Variants in PCDH9 observed in about 807,000 individuals in gnomAD.
PCDH9 encodes protocadherin-9.
In PCDH9, 24 loss-of-function variants were observed where a neutral mutation model predicts 70.6. The ratio of observed to expected loss-of-function variants is 0.34; its 90% CI spans 0.25 to 0.48. The LOEUF (loss-of-function observed/expected upper bound fraction) is 0.48. Among genes scored for constraint, PCDH9 ranks in the 20% least tolerant of loss-of-function variants. The probability of loss-of-function intolerance (pLI) is 0.99; values close to 1 mark genes in which losing one functional copy is unlikely to be tolerated. For missense variants in PCDH9, 1,281 were observed against 1,503.6 expected (o/e 0.85, Z 2.45); for synonymous variants, 562 against 558.5 (o/e 1.01, Z -0.09).
chr13:66,494,566 T>C (rs1028661029), intron 4 of PCDH9, among the ~76,000 whole-genome samples: 5 of 152,144 alleles, frequency 3.3e-5, no homozygotes, highest in Non-Finnish European at 5.9e-5. Flanking sequence ...TGTGACTCTC[T>C]CTCTCTGTCT....
intron 2 of PCDH9, among the ~76,000 whole-genome samples, chr13:66,940,994 T>C (rs79765615): frequency 0.038 from 5,836 of 152,056 alleles, 150 homozygotes; most frequent in Non-Finnish European, 0.057. Context: ...GGAAGTTTCA[T>C]GGTTTATATA....
intron 4 of PCDH9, among the ~76,000 whole-genome samples, chr13:66,363,709 T>A (rs1026130954): frequency 6.6e-6 from 1 of 152,204 alleles, no homozygotes; most frequent in Non-Finnish European, 1.5e-5. Flanking sequence ...TATGAGACAA[T>A]GTACTTAAAT....
intron 4 of PCDH9, among the ~76,000 whole-genome samples, chr13:66,348,561 C>A (rs1956246408): frequency 6.6e-6 from 1 of 152,002 alleles, no homozygotes; most frequent in African/African-American, 2.4e-5. Flanking sequence ...CCACACCTGG[C>A]TAATTTTCAC....
chr13:66,988,581 TTAGA>T (rs1594356250), intron 2 of PCDH9, among the ~76,000 whole-genome samples: 1 of 152,088 alleles, frequency 6.6e-6, no homozygotes, highest in Non-Finnish European at 1.5e-5. Context: ...TTGTGATTGC[TTAGA>T]TAGTTTAGAA....
chr13:66,789,117 A>C (rs1363093878), intron 3 of PCDH9, among the ~76,000 whole-genome samples: 3 of 152,188 alleles, frequency 2.0e-5, no homozygotes, highest in African/African-American at 7.2e-5. Context: ...CTCTGTGTCA[A>C]TGTCTGAACC....
At chr13:66,593,222 T>C (rs144074522) in intron 4 of PCDH9, among the ~76,000 whole-genome samples, 49 of 151,854 alleles carry the variant, frequency 3.2e-4, no homozygotes, top group African/African-American at 1.1e-3. Context: ...TTGAAGAACA[T>C]CTTCGGAGGA....
chr13:66,658,410 A>G (rs917178118), intron 3 of PCDH9, among the ~76,000 whole-genome samples: 3 of 152,124 alleles, frequency 2.0e-5, no homozygotes, highest in Non-Finnish European at 4.4e-5. Context: ...AGAATAAACA[A>G]TTCTTAAGGG....
chr13:66,466,098 CACAACT>C (rs1033988508), intron 4 of PCDH9, among the ~76,000 whole-genome samples: 9 of 151,938 alleles, frequency 5.9e-5, no homozygotes, highest in African/African-American at 2.2e-4. Flanking sequence ...CTCACAGAAA[CACAACT>C]ACATCTCATG....
chr13:67,082,372 T>C (rs1330735354), intron 2 of PCDH9, among the ~76,000 whole-genome samples: 1 of 152,194 alleles, frequency 6.6e-6, no homozygotes, highest in African/African-American at 2.4e-5. Flanking sequence ...GCTTATTTCA[T>C]TTAGCATAAT....
intron 3 of PCDH9, among the ~76,000 whole-genome samples, chr13:66,669,388 C>G (rs2078141590): frequency 6.6e-6 from 1 of 152,140 alleles, no homozygotes; most frequent in South Asian, 2.1e-4. Context: ...AATTGTCTAA[C>G]TTAAATTGCG....
At chr13:66,717,480 A>AATAT (rs1169570608) in intron 3 of PCDH9, among the ~76,000 whole-genome samples, 145 of 44,420 alleles carry the variant, frequency 3.3e-3, no homozygotes, top group African/African-American at 0.012. Flanking sequence ...AAAAAAAAAA[A>AATAT]ATATATATAT....
intron 3 of PCDH9, among the ~76,000 whole-genome samples, chr13:66,660,036 A>G (rs1008189070): frequency 2.0e-5 from 3 of 152,182 alleles, no homozygotes; most frequent in African/African-American, 7.2e-5. Flanking sequence ...ACGAATGCCT[A>G]AAATCTTTCT....
intron 4 of PCDH9, among the ~76,000 whole-genome samples, chr13:66,467,991 C>G (rs981152580): frequency 1.3e-5 from 2 of 152,024 alleles, no homozygotes; most frequent in Admixed American, 6.6e-5. Context: ...TCATCTGCCC[C>G]CTTTTCTTCC....
intron 2 of PCDH9, among the ~76,000 whole-genome samples, chr13:67,075,291 A>T (rs914331641): frequency 2.0e-5 from 3 of 152,130 alleles, no homozygotes; most frequent in African/African-American, 7.2e-5. Flanking sequence ...TTGAAGATGC[A>T]TAAAGGGGAA....
chr13:66,617,820 G>A (rs191761640), intron 4 of PCDH9, among the ~76,000 whole-genome samples: 38 of 152,232 alleles, frequency 2.5e-4, no homozygotes, highest in African/African-American at 7.7e-4. Context: ...CCCATCTGCC[G>A]GGAACCCTTA....
intron 4 of PCDH9, among the ~76,000 whole-genome samples, chr13:66,599,543 T>C (rs888678425): frequency 6.8e-6 from 1 of 146,462 alleles, no homozygotes; most frequent in Non-Finnish European, 1.5e-5. Flanking sequence ...TGTACTATAT[T>C]TTTAATTAAT....
chr13:66,348,640 C>G (rs1401184914), intron 4 of PCDH9, among the ~76,000 whole-genome samples: 1 of 149,870 alleles, frequency 6.7e-6, no homozygotes, highest in African/African-American at 2.5e-5. Context: ...AACCTATTGC[C>G]ATATTTCTCA....
intron 4 of PCDH9, among the ~76,000 whole-genome samples, chr13:66,498,749 A>T (rs1959156175): frequency 6.6e-6 from 1 of 152,134 alleles, no homozygotes; most frequent in Non-Finnish European, 1.5e-5. Flanking sequence ...TTGATGTGGT[A>T]TCCCGTATTA....
chr13:67,116,281 T>G (rs1352032343), intron 2 of PCDH9, among the ~76,000 whole-genome samples: 1 of 152,158 alleles, frequency 6.6e-6, no homozygotes, highest in Non-Finnish European at 1.5e-5. Context: ...AAGCATTATA[T>G]TATCTTCATT....
Sources: allele counts gnomAD v4.1 joint callset (sites outside exome capture counted in the v4.1 genomes callset), GRCh38; gene constraint gnomAD v4.1.1; transcripts MANE v1.5; gene names NCBI Gene and HGNC (gene_info 2026-07-23, HGNC 2026-07-21).